Variants in FKBP15 observed in about 807,000 individuals in gnomAD.
FKBP15 encodes the protein FKBP prolyl isomerase family member 15.
FKBP15 carries 106 observed loss-of-function variants against 158.1 expected under a neutral mutation model. The observed-to-expected ratio is 0.67, with a 90% CI of 0.57 to 0.79. The LOEUF (loss-of-function observed/expected upper bound fraction) is 0.79. FKBP15 is among the 30% of genes least tolerant of loss of function. The pLI is 0.00. For synonymous variants in FKBP15, 547 were observed against 548.6 expected, an observed-to-expected ratio of 1.00 and a Z score of 0.04; for missense variants, 1,287 against 1,479.1, an observed-to-expected ratio of 0.87 and a Z score of 2.13.
intron 1 of FKBP15, among the ~76,000 whole-genome samples, chr9:113,218,706 A>G (rs1265036454): frequency 6.6e-6 from 1 of 152,176 alleles, no homozygotes; most frequent in Non-Finnish European, 1.5e-5. Context: ...CTCAAAGTTT[A>G]TCTAGGTCAA....
At chr9:113,186,890 C>T (rs980788632) in intron 14 of FKBP15, 1 of 152,720 alleles carries the variant, frequency 6.5e-6, no homozygotes, top group African/African-American at 2.4e-5. Flanking sequence ...TAGGGCTGTT[C>T]TGTGGACTAA....
intron 2 of FKBP15, among the ~76,000 whole-genome samples, chr9:113,209,901 A>G (rs568542630): frequency 3.3e-5 from 5 of 152,360 alleles, no homozygotes; most frequent in African/African-American, 9.6e-5. Context: ...TTAAGATCTT[A>G]AAACTCCATG....
intron 3 of FKBP15, 134 bp from the exon 4 acceptor site, chr9:113,206,712 A>ATTTTTTTTTTTTTTTTTTTTTTTTTT (rs35902681): frequency 3.9e-6 from 1 of 258,370 alleles, no homozygotes; most frequent in Non-Finnish European, 6.8e-6. Flanking sequence ...GCGGTTTAAA[A>ATTTTTTTTTTTTTTTTTTTTTTTTTT]TTTTTTTTTT....
chr9:113,169,256 G>A lies in FKBP15; in HGVS notation c.3453C>T (p.Ala1151=). Residue 1151 remains alanine (A), a synonymous_variant, in exon 26 of 28, where the codon GCC becomes GCT. Coordinates refer to ENST00000238256, the MANE Select transcript of FKBP15 (RefSeq NM_015258.2). ...GCTGGGAATGATGGCTGGGTCTGAG[G>A]GCTGCTCCTGCAACTGTGGAACCTG... is the stretch of plus-strand genomic sequence containing the variant. ...TEAGSTVAGA[A]LRPSHHSQRS... The A allele has an allele frequency of 6.2e-7, 1 of 1,613,950 alleles. No homozygotes were observed.
rs768946820 is a variant in FKBP15, at chr9:113,161,523, G to T, written c.*4555C>A. ...TCCTTTGACAGGCATGGCCCTTTCGGTGTTGGTGCTCCTGCTTCTGGCTGT... is the reference window on the plus strand; with the variant it reads ...TCCTTTGACAGGCATGGCCCTTTCGTTGTTGGTGCTCCTGCTTCTGGCTGT... On this transcript the variant is annotated 3_prime_UTR_variant, in exon 28 of 28. Transcript: ENST00000238256. The T allele has an allele frequency of 6.2e-7, 1 of 1,614,014 alleles. No homozygotes were observed. Among genetic ancestry groups the T allele is most frequent in the East Asian group, 2.2e-5 (1 of 44,892 alleles).
rs1450473177 is a variant in FKBP15 at position 113,161,552 on chromosome 9, G to T, written c.*4526C>A. The T allele has an allele frequency of 3.1e-6, 5 of 1,614,034 alleles. No individual in the cohort carries two copies. Among genetic ancestry groups the T allele is most frequent in the Non-Finnish European group, 8.5e-7 (1 of 1,179,896 alleles). On this transcript the variant is annotated 3_prime_UTR_variant, in exon 28 of 28. Transcript: ENST00000238256. ...TGGTGCTCCTGCTTCTGGCTGTACT[G>T]TATGAAGGCATCAAGGTTGGCAAAG... is the stretch of plus-strand genomic sequence containing the variant.
At chr9:113,180,138 G>A (rs1001866173) in intron 19 of FKBP15, among the ~76,000 whole-genome samples, 1 of 152,192 alleles carries the variant, frequency 6.6e-6, no homozygotes, top group African/African-American at 2.4e-5. Flanking sequence ...ATGAAATGCA[G>A]GGTTACTCTC....
Position 113,174,520 on chromosome 9 carries a change from C to T in FKBP15, c.2287G>A (p.Glu763Lys), listed in dbSNP as rs1587952433. 6.2e-7 allele frequency: 1 copy of T among 1,613,996 alleles called. No homozygotes were observed. Among genetic ancestry groups the T allele is most frequent in the Non-Finnish European group, 8.5e-7 (1 of 1,179,892 alleles). The change falls in exon 22 of 28, where the codon GAA (glutamate) becomes AAA (lysine). Residue 763 changes from glutamate to lysine, a missense_variant. Coordinates refer to ENST00000238256, the MANE Select transcript of FKBP15 (RefSeq NM_015258.2). ...ERSQAEEEID[E>K]IRKSYQEELD... is the part of the protein sequence containing the mutation. Reference sequence around the variant, plus strand: ...TCCTCCTGGTATGACTTGCGAATTTCATCTATCTCCTCCTCGGCCTGAGAA... The same window carrying T: ...TCCTCCTGGTATGACTTGCGAATTTTATCTATCTCCTCCTCGGCCTGAGAA...
chr9:113,207,196 C>A lies in FKBP15; in HGVS notation c.254+16G>T. On this transcript the variant is annotated intron_variant, in intron 3 of 27. Transcript: ENST00000238256. ...TTCCACCAAACTTCAGAGGGTGTTC[C>A]TTCTCAGCGACTTACTATCGATATG... is the stretch of plus-strand genomic sequence containing the variant. 6.2e-7 allele frequency: 1 copy of A among 1,605,068 alleles called. No homozygotes were observed. Among genetic ancestry groups the A allele is most frequent in the South Asian group, 1.1e-5 (1 of 90,716 alleles).
intron 20 of FKBP15, among the ~76,000 whole-genome samples, chr9:113,177,586 C>T (rs995462953): frequency 1.6e-4 from 24 of 152,144 alleles, no homozygotes; most frequent in Admixed American, 1.6e-3. Flanking sequence ...GAGTTCACAA[C>T]CAGCCTGGTC....
intron 23 of FKBP15, 91 bp from the exon 24 acceptor site, chr9:113,171,797 T>A: frequency 5.7e-5 from 60 of 1,056,172 alleles, no homozygotes; most frequent in Non-Finnish European, 7.1e-5. Context: ...ACATCAAGTC[T>A]CTTTTTTTTT....
chr9:113,167,434 C>CT (rs1295559119), intron 27 of FKBP15, among the ~76,000 whole-genome samples: 1 of 151,830 alleles, frequency 6.6e-6, no homozygotes, highest in South Asian at 2.1e-4. Flanking sequence ...CCCTTTTTTC[C>CT]TTTTTTTAAG....
intron 6 of FKBP15, among the ~76,000 whole-genome samples, chr9:113,200,434 C>G (rs1830766463): frequency 6.6e-6 from 1 of 152,180 alleles, no homozygotes; most frequent in African/African-American, 2.4e-5. Flanking sequence ...GAAGGCACTT[C>G]TAAAGACTGC....
Position 113,163,168 on chromosome 9 carries a change from A to G in FKBP15, c.*2910T>C, listed in dbSNP as rs1339995791. 6 of 323,632 alleles carry G rather than the reference A, an allele frequency of 1.9e-5. No individual in the cohort carries two copies. The highest frequency in any genetic ancestry group is 1.6e-4 in the East Asian group (3 of 19,342). 20.0% of individuals were successfully genotyped at this position (323,632 alleles called of 1,614,324 possible). A position where few individuals can be genotyped will look rare whatever the true frequency, so the allele number is the denominator to read the frequency against. The stretch of plus-strand genomic sequence containing the variant: ...TAAGACAGCTGCTGTGACCAAAGGG[A>G]GAATGGAGATAACAGGGGTGGCAGG... On this transcript the variant is annotated 3_prime_UTR_variant, in exon 28 of 28. Transcript: ENST00000238256.
rs1046447247 is a variant in FKBP15, at chr9:113,163,203, C to G, written c.*2875G>C. 8.0e-6 allele frequency: 2 copies of G among 248,716 alleles called. No individual in the cohort carries two copies. Among genetic ancestry groups the G allele is most frequent in the Admixed American group, 5.5e-5 (1 of 18,348 alleles). The allele number at this position is 248,716 out of a possible 1,614,324, so 15.4% of individuals were successfully genotyped here. On this transcript the variant is annotated 3_prime_UTR_variant, in exon 28 of 28. Transcript: ENST00000238256. ...TAACAGGGGTGGCAGGGTTACTGAG[C>G]CCATGACAATGCTTCTCTGTGACTC...
intron 9 of FKBP15, among the ~76,000 whole-genome samples, chr9:113,195,522 G>C (rs1400360703): frequency 1.3e-5 from 2 of 152,184 alleles, no homozygotes; most frequent in Non-Finnish European, 2.9e-5. Flanking sequence ...GTATGTCATT[G>C]AAAGAAGGCT....
chr9:113,207,010 C>T (rs1032966002), intron 3 of FKBP15: 2 of 548,754 alleles, frequency 3.6e-6, no homozygotes, highest in Non-Finnish European at 6.6e-6. Flanking sequence ...ACAAGCACTC[C>T]CTAAAGACAG....
intron 8 of FKBP15, among the ~76,000 whole-genome samples, chr9:113,197,673 C>G (rs1418981206): frequency 6.6e-6 from 1 of 152,044 alleles, no homozygotes; most frequent in Non-Finnish European, 1.5e-5. Flanking sequence ...AGTTTCCCCC[C>G]ACCAAAAAAG....
chr9:113,178,866 A>C, intron 19 of FKBP15, 65 bp from the exon 20 acceptor site: 1 of 1,437,698 alleles, frequency 7.0e-7, no homozygotes, highest in Non-Finnish European at 9.4e-7. Flanking sequence ...TGATGAACCA[A>C]CCTCACATAA....
Sources: gnomAD v4.1 joint callset for allele counts (sites outside exome capture counted in the v4.1 genomes callset) on GRCh38, gnomAD v4.1.1 for gene constraint, MANE v1.5 for transcripts, NCBI Gene and HGNC (gene_info 2026-07-23, HGNC 2026-07-21) for gene names.